The following ABCC1 variants were observed in gnomAD, a reference collection of about 807,000 sequenced individuals.
The protein encoded by ABCC1 is ATP binding cassette subfamily C member 1 (ABCC1 blood group), also known as multidrug resistance-associated protein 1.
ABCC1 carries 83 observed loss-of-function variants against 172.9 expected under a neutral mutation model. The observed-to-expected ratio is 0.48, with a 90% CI of 0.40 to 0.58. ABCC1 has a LOEUF of 0.58. Ranked by LOEUF, ABCC1 falls within the 20% of genes least tolerant of loss-of-function variation. The pLI is 0.00. For missense variants in ABCC1, 1,817 were observed against 2,002.7 expected, an observed-to-expected ratio of 0.91 and a Z score of 1.77; for synonymous variants, 937 against 825.2, an observed-to-expected ratio of 1.14 and a Z score of -2.32.
chr16:15,992,956 A>C (rs1251298615), intron 1 of ABCC1, among the ~76,000 whole-genome samples: 1 of 151,522 alleles, frequency 6.6e-6, no homozygotes, highest in African/African-American at 2.4e-5. Flanking sequence ...GTGCTTCCCG[A>C]GATCTTTGCA....
At chr16:16,060,227 G>A (rs1210224675) in intron 12 of ABCC1, among the ~76,000 whole-genome samples, 1 of 152,114 alleles carries the variant, frequency 6.6e-6, no homozygotes, top group East Asian at 1.9e-4. Flanking sequence ...GGAAAATGAA[G>A]GGGTTAGATT....
chr16:16,066,132 A>G (rs1255156331), intron 12 of ABCC1, among the ~76,000 whole-genome samples: 2 of 151,780 alleles, frequency 1.3e-5, no homozygotes, highest in African/African-American at 4.8e-5. Flanking sequence ...CTGTTTATCT[A>G]CTGTGGACTT....
At chr16:16,058,110 T>G (rs2049749130) in intron 12 of ABCC1, among the ~76,000 whole-genome samples, 1 of 152,082 alleles carries the variant, frequency 6.6e-6, no homozygotes, top group South Asian at 2.1e-4. Flanking sequence ...TGGTAATGGG[T>G]CTATCCCTGC....
chr16:16,071,601 T>G, intron 13 of ABCC1, 41 bp from the exon 14 acceptor site: 1 of 1,590,800 alleles, frequency 6.3e-7, no homozygotes, highest in Non-Finnish European at 8.6e-7. Flanking sequence ...GCAAAAATGC[T>G]TTTTAAAAAT....
chr16:16,016,149 G>GTTTT lies in ABCC1; in HGVS notation c.490-328_490-325dup, dbSNP rs71137903. On this transcript the variant is annotated intron_variant, in intron 4 of 30. Coordinates refer to ENST00000399410, the MANE Select transcript of ABCC1 (RefSeq NM_004996.4). ...CACCTGCTCTCAGAATGTGATCTTG[G>GTTTT]TTTTTTTTTTTTTTTTTTTTTTGAG... 2.3e-3 allele frequency among the ~76,000 whole-genome samples: 195 copies of GTTTT among 84,260 alleles called. 4 individuals are homozygous for GTTTT. Among genetic ancestry groups the GTTTT allele is most frequent in the Non-Finnish European group, 2.9e-3 (137 of 47,658 alleles). The allele number at this position is 84,260 out of a possible 152,430, so 55.3% of individuals were successfully genotyped here. A position where few individuals can be genotyped will look rare whatever the true frequency, so the allele number is the denominator to read the frequency against.
chr16:15,951,925 A>G (rs1337146993), intron 1 of ABCC1, among the ~76,000 whole-genome samples: 1 of 152,170 alleles, frequency 6.6e-6, no homozygotes, highest in Non-Finnish European at 1.5e-5. Flanking sequence ...CCTGGGCTCA[A>G]GCGATCCTCC....
intron 28 of ABCC1, among the ~76,000 whole-genome samples, chr16:16,134,976 G>A (rs553436568): frequency 6.6e-5 from 10 of 152,216 alleles, no homozygotes; most frequent in African/African-American, 2.2e-4. Context: ...CTGTGCTGCT[G>A]CTTCCCTGAA....
At chr16:16,010,843 G>A (rs1466108363) in intron 3 of ABCC1, among the ~76,000 whole-genome samples, 1 of 152,174 alleles carries the variant, frequency 6.6e-6, no homozygotes, top group Admixed American at 6.6e-5. Flanking sequence ...CGAGTCAGGG[G>A]TGGGACCCCA....
At chr16:16,010,923 G>C (rs572644623) in intron 3 of ABCC1, among the ~76,000 whole-genome samples, 1 of 152,268 alleles carries the variant, frequency 6.6e-6, no homozygotes, top group South Asian at 2.1e-4. Context: ...GGAGAGTGTA[G>C]CCCTTGAGTA....
chr16:16,074,698 T>A (rs899023047), intron 14 of ABCC1, among the ~76,000 whole-genome samples: 1 of 152,192 alleles, frequency 6.6e-6, no homozygotes, highest in Non-Finnish European at 1.5e-5. Flanking sequence ...CTCCAGTGGC[T>A]TTTCTTAAAT....
In ABCC1 at chr16:16,007,943, G is replaced by C; in HGVS notation, c.176G>C (p.Arg59Pro). 1 of 1,600,334 alleles carries C rather than the reference G, an allele frequency of 6.2e-7. No homozygotes were observed. The highest frequency in any genetic ancestry group is 1.1e-5 in the South Asian group (1 of 90,122). Residue 59 changes from arginine to proline, a missense_variant, in exon 2 of 31, where the codon CGA becomes CCA. Transcript: ENST00000399410. ...CFPFYFLYLSRHDRGYIQMTP... is the reference protein window; with the variant it reads ...CFPFYFLYLSPHDRGYIQMTP... The stretch of plus-strand genomic sequence containing the variant: ...CCCTTCTACTTCCTCTATCTCTCCC[G>C]ACATGACCGAGGCTACATTCAGATG...
At chr16:16,061,886 A>G in intron 12 of ABCC1, among the ~76,000 whole-genome samples, 1 of 149,394 alleles carries the variant, frequency 6.7e-6, no homozygotes, top group Non-Finnish European at 1.5e-5. Context: ...TAATCCTCCA[A>G]CCTCAGCCTC....
chr16:16,033,255 C>T, intron 6 of ABCC1, 85 bp downstream of exon 6: 1 of 1,328,132 alleles, frequency 7.5e-7, no homozygotes, highest in South Asian at 1.2e-5. Flanking sequence ...TCAGCTCCCC[C>T]TCCCCAACTT....
chr16:16,013,218 G>C (rs966447636), intron 3 of ABCC1, among the ~76,000 whole-genome samples: 2 of 151,938 alleles, frequency 1.3e-5, no homozygotes, highest in African/African-American at 4.8e-5. Context: ...ATATCCCAGG[G>C]AACCAGGATA....
intron 26 of ABCC1, among the ~76,000 whole-genome samples, chr16:16,131,483 G>A (rs2045670146): frequency 6.6e-6 from 1 of 152,198 alleles, no homozygotes; most frequent in Admixed American, 6.5e-5. Flanking sequence ...GTGGGTGTGG[G>A]AGACAGAATA....
chr16:16,072,871 G>A (rs1375304723), intron 14 of ABCC1, among the ~76,000 whole-genome samples: 4 of 151,150 alleles, frequency 2.6e-5, no homozygotes, highest in African/African-American at 9.7e-5. Flanking sequence ...GTGAAACCCC[G>A]TCTCTACTGA....
chr16:16,111,438 A>G lies in ABCC1; in HGVS notation c.2935A>G (p.Ile979Val), dbSNP rs775729751. Reference protein sequence around the residue: ...AIGLFISFLSIFLFMCNHVSA... With the variant: ...AIGLFISFLSVFLFMCNHVSA... ...CGGACTCTTCATCTCCTTCCTCAGC[A>G]TCTTCCTTTTCATGTGTAACCATGT... The change falls in exon 22 of 31, where the codon ATC becomes GTC. Residue 979 changes from isoleucine to valine, a missense_variant. By Grantham distance (29) the Ile-to-Val change is conservative. Transcript: ENST00000399410. 6.2e-6 allele frequency: 10 copies of G among 1,614,076 alleles called. No homozygotes were observed. The highest frequency in any genetic ancestry group is 8.5e-6 in the Non-Finnish European group (10 of 1,180,014).
intron 20 of ABCC1, among the ~76,000 whole-genome samples, chr16:16,104,976 C>T (rs1460577933): frequency 2.0e-5 from 3 of 152,104 alleles, no homozygotes; most frequent in Non-Finnish European, 4.4e-5. Flanking sequence ...CCGCAAGCGC[C>T]CTGTGCAGCT....
intron 3 of ABCC1, among the ~76,000 whole-genome samples, chr16:16,011,593 T>G (rs2047786713): frequency 6.6e-6 from 1 of 152,178 alleles, no homozygotes; most frequent in Admixed American, 6.5e-5. Context: ...ATGATCCTTC[T>G]GCCTCAGCCT....
Sources: gnomAD v4.1 joint callset for allele counts (sites outside exome capture counted in the v4.1 genomes callset) on GRCh38, gnomAD v4.1.1 for gene constraint, MANE v1.5 for transcripts, NCBI Gene and HGNC (gene_info 2026-07-23, HGNC 2026-07-21) for gene names.